PARD3: variants seen among roughly 807,000 people sequenced by gnomAD.
The protein encoded by PARD3 is partitioning defective 3 homolog.
A neutral mutation model predicts 155.4 loss-of-function variants in PARD3; 75 were observed. That is an observed-to-expected ratio of 0.48 (90% CI 0.40 to 0.58). PARD3 has a LOEUF of 0.58. Among genes scored for constraint, PARD3 ranks in the 20% least tolerant of loss-of-function variants. The pLI is 0.00. For missense variants in PARD3, 1,642 were observed against 1,721.7 expected (o/e 0.95, Z 0.82); for synonymous variants, 576 against 610.5 (o/e 0.94, Z 0.83).
chr10:34,235,368 C>A (rs1055362611), intron 22 of PARD3, among the ~76,000 whole-genome samples: 4 of 152,182 alleles, frequency 2.6e-5, no homozygotes, highest in African/African-American at 9.7e-5. Context: ...GGGTGAGAAT[C>A]AGCTCATAGG....
At chr10:34,280,241 A>C (rs1468662496) in intron 21 of PARD3, among the ~76,000 whole-genome samples, 2 of 152,170 alleles carry the variant, frequency 1.3e-5, no homozygotes, top group African/African-American at 4.8e-5. Context: ...ATTTAATATG[A>C]TTTTCTAAGA....
intron 3 of PARD3, among the ~76,000 whole-genome samples, chr10:34,504,759 T>C (rs1452932201): frequency 6.6e-6 from 1 of 152,156 alleles, no homozygotes; most frequent in Non-Finnish European, 1.5e-5. Flanking sequence ...TTCTGAGATA[T>C]GAGGCACCTC....
chr10:34,272,505 G>A (rs1008033004), intron 21 of PARD3, among the ~76,000 whole-genome samples: 40 of 152,120 alleles, frequency 2.6e-4, no homozygotes, highest in African/African-American at 9.4e-4. Flanking sequence ...TGATGGGGGC[G>A]TGCTGCTTGA....
intron 1 of PARD3, among the ~76,000 whole-genome samples, chr10:34,768,255 G>C (rs551316794): frequency 3.1e-4 from 47 of 152,272 alleles, no homozygotes; most frequent in Admixed American, 1.4e-3. Context: ...AAGTGCCCAA[G>C]GTGGTCAGAG....
At chr10:34,530,865 C>T (rs1161359968) in intron 2 of PARD3, among the ~76,000 whole-genome samples, 1 of 152,188 alleles carries the variant, frequency 6.6e-6, no homozygotes, top group East Asian at 1.9e-4. Flanking sequence ...GGCAACTAGA[C>T]TACTTCAACG....
intron 5 of PARD3, among the ~76,000 whole-genome samples, chr10:34,402,681 G>C (rs1844023831): frequency 6.6e-6 from 1 of 152,160 alleles, no homozygotes; most frequent in Non-Finnish European, 1.5e-5. Context: ...TGTACAAATT[G>C]CTCCAATGTG....
At chr10:34,134,606 C>T (rs1388403299) in intron 22 of PARD3, among the ~76,000 whole-genome samples, 1 of 152,218 alleles carries the variant, frequency 6.6e-6, no homozygotes, top group Non-Finnish European at 1.5e-5. Context: ...GTTTCCAAAT[C>T]TGGGGAGCTA....
chr10:34,230,419 G>C (rs1323756795), intron 22 of PARD3, among the ~76,000 whole-genome samples: 1 of 152,036 alleles, frequency 6.6e-6, no homozygotes, highest in Non-Finnish European at 1.5e-5. Context: ...TAAGTATTTT[G>C]TCTATATTTG....
At chr10:34,779,607 C>G (rs1015511482) in intron 1 of PARD3, among the ~76,000 whole-genome samples, 1 of 152,126 alleles carries the variant, frequency 6.6e-6, no homozygotes, top group Admixed American at 6.5e-5. Context: ...GGCGACACAG[C>G]GTGACTCCAT....
intron 2 of PARD3, among the ~76,000 whole-genome samples, chr10:34,526,051 C>T (rs1445254216): frequency 5.5e-5 from 7 of 128,254 alleles, no homozygotes; most frequent in African/African-American, 2.1e-4. Flanking sequence ...CACTGCACTT[C>T]AGCCTGGTGG....
intron 2 of PARD3, among the ~76,000 whole-genome samples, chr10:34,593,429 A>G (rs2134390163): frequency 6.6e-6 from 1 of 152,330 alleles, no homozygotes; most frequent in Non-Finnish European, 1.5e-5. Flanking sequence ...CCATACCAAT[A>G]TTCACCAGTC....
intron 2 of PARD3, among the ~76,000 whole-genome samples, chr10:34,560,367 G>T (rs2085367691): frequency 6.6e-6 from 1 of 152,056 alleles, no homozygotes; most frequent in Non-Finnish European, 1.5e-5. Flanking sequence ...CGATACCATA[G>T]ATACTTGTCT....
chr10:34,276,963 T>C (rs1185753597), intron 21 of PARD3, among the ~76,000 whole-genome samples: 2 of 152,150 alleles, frequency 1.3e-5, no homozygotes, highest in Non-Finnish European at 2.9e-5. Context: ...AGAAAAAATG[T>C]TTTTAATAAA....
chr10:34,250,064 A>G (rs74131657), intron 22 of PARD3, among the ~76,000 whole-genome samples: 7 of 152,324 alleles, frequency 4.6e-5, no homozygotes, highest in Non-Finnish European at 7.3e-5. Flanking sequence ...GCTGCATACA[A>G]TAAGTCCATC....
intron 7 of PARD3, among the ~76,000 whole-genome samples, chr10:34,395,967 G>A (rs1412878353): frequency 2.6e-5 from 4 of 152,082 alleles, no homozygotes; most frequent in Non-Finnish European, 5.9e-5. Context: ...GTTGGAGGAC[G>A]AGCTAATTGT....
intron 3 of PARD3, among the ~76,000 whole-genome samples, chr10:34,476,735 T>G (rs1277259619): frequency 7.0e-6 from 1 of 143,210 alleles, no homozygotes; most frequent in Admixed American, 6.7e-5. Context: ...AAAAATGTAC[T>G]AGAAAAAAAC....
intron 3 of PARD3, among the ~76,000 whole-genome samples, chr10:34,511,989 C>T (rs1469206642): frequency 1.3e-5 from 2 of 152,178 alleles, no homozygotes; most frequent in East Asian, 3.9e-4. Context: ...TAATAAGCAA[C>T]TTTATGACCT....
intron 2 of PARD3, among the ~76,000 whole-genome samples, chr10:34,540,448 T>C (rs1420061322): frequency 1.3e-5 from 2 of 152,014 alleles, no homozygotes. Context: ...TACAAAGATA[T>C]AAGTATACAA....
intron 22 of PARD3, among the ~76,000 whole-genome samples, chr10:34,226,674 A>G (rs1277580300): frequency 6.6e-6 from 1 of 152,244 alleles, no homozygotes; most frequent in Non-Finnish European, 1.5e-5. Flanking sequence ...CAATTTATTA[A>G]AAAGTTAAAC....
Sources: allele counts gnomAD v4.1 joint callset (sites outside exome capture counted in the v4.1 genomes callset), GRCh38; gene constraint gnomAD v4.1.1; transcripts MANE v1.5; gene names NCBI Gene and HGNC (gene_info 2026-07-23, HGNC 2026-07-21).